Variants in SIGLEC6 observed in about 807,000 individuals in gnomAD.
SIGLEC6 encodes the protein sialic acid-binding Ig-like lectin 6.
SIGLEC6 carries 31 observed loss-of-function variants against 41.4 expected under a neutral mutation model. The ratio of observed to expected loss-of-function variants is 0.75; its 90% CI spans 0.56 to 1.01. The LOEUF is 1.01. SIGLEC6 is among the 50% of genes least tolerant of loss of function. SIGLEC6 has a pLI of 0.00. For synonymous variants in SIGLEC6, 217 were observed against 231.0 expected, an observed-to-expected ratio of 0.94 and a Z score of 0.55; for missense variants, 555 against 558.6, an observed-to-expected ratio of 0.99 and a Z score of 0.06.
intron 7 of SIGLEC6, among the ~76,000 whole-genome samples, chr19:51,525,727 A>C (rs10853836): frequency 0.72 from 109,496 of 151,328 alleles, 39,925 homozygotes; most frequent in African/African-American, 0.79. Flanking sequence ...TCCCTGTGGG[A>C]CCCCTACTCC....
In SIGLEC6 at chr19:51,530,307, G is replaced by T. The variant is rs1046326682; in HGVS notation, c.754+130C>A. ...GCCGAAGAGGCGACAAAGGCTGGGG[G>T]TGAGCAAAGATTCAGTCCAGGTCTT... On this transcript the variant is annotated intron_variant, in intron 4 of 7. Coordinates refer to ENST00000425629, the MANE Select transcript of SIGLEC6 (RefSeq NM_001245.7). 6 of 849,160 alleles carry T rather than the reference G, an allele frequency of 7.1e-6. No homozygotes were observed. In the East Asian group the frequency reaches 7.9e-5, roughly 11 times the overall value. The allele number at this position is 849,160 out of a possible 1,614,324, so 52.6% of individuals were successfully genotyped here. A position where few individuals can be genotyped will look rare whatever the true frequency, so the allele number is the denominator to read the frequency against.
intron 2 of SIGLEC6, 52 bp from the exon 3 acceptor site, chr19:51,531,011 C>A (rs373162619): frequency 1.3e-6 from 2 of 1,589,564 alleles, no homozygotes; most frequent in Admixed American, 3.7e-5. Context: ...AGGTTTCACC[C>A]AGGGGGAAGC....
intron 7 of SIGLEC6, among the ~76,000 whole-genome samples, chr19:51,524,266 CAT>C (rs529037990): frequency 2.3e-4 from 35 of 152,200 alleles, no homozygotes; most frequent in South Asian, 8.3e-4. Flanking sequence ...TGAAGGCACA[CAT>C]GTGTTAAAAG....
intron 7 of SIGLEC6, among the ~76,000 whole-genome samples, chr19:51,526,663 A>G (rs116863711): frequency 0.027 from 4,094 of 152,264 alleles, 81 homozygotes; most frequent in Middle Eastern, 0.054. Context: ...TAATGACCAC[A>G]CTAGTTCCCC....
chr19:51,528,062 T>G (rs2290661), intron 6 of SIGLEC6, 98 bp downstream of exon 6: 77,866 of 1,137,872 alleles, frequency 0.068, 3,101 homozygotes, highest in East Asian at 0.12. Flanking sequence ...ACTTTCCCAA[T>G]CACCCCATTT....
chr19:51,529,682 G>A (rs201279112), intron 5 of SIGLEC6, 42 bp downstream of exon 5: 14 of 1,611,058 alleles, frequency 8.7e-6, no homozygotes, highest in South Asian at 2.2e-5. Context: ...TGGAGCTCTC[G>A]CCCAGCTGCC....
chr19:51,527,564 G>A (rs1353036550), intron 7 of SIGLEC6, among the ~76,000 whole-genome samples, 183 bp downstream of exon 7: 1 of 152,112 alleles, frequency 6.6e-6, no homozygotes, highest in Non-Finnish European at 1.5e-5. Flanking sequence ...AGTTCCAAAT[G>A]TTACTATTTT....
At position 51,529,671 on chromosome 19, in the gene SIGLEC6, A is replaced by G. The variant is rs189922301; in HGVS notation, c.1012+53T>C. 11 of 1,608,360 alleles carry G rather than the reference A, an allele frequency of 6.8e-6. No homozygotes were observed. In the East Asian group the frequency reaches 1.3e-4, roughly 20 times the overall value. ...AGCAGGGGCCTCTTCTCTGAATACT[A>G]TGGAGCTCTCGCCCAGCTGCCCACA... is the stretch of plus-strand genomic sequence containing the variant. On this transcript the variant is annotated intron_variant, in intron 5 of 7. Coordinates refer to ENST00000425629, the MANE Select transcript of SIGLEC6 (RefSeq NM_001245.7).
rs1276985315 is a variant in SIGLEC6 at position 51,520,033 on chromosome 19, G to A, written c.*49C>T. On this transcript the variant is annotated 3_prime_UTR_variant, in exon 8 of 8. Transcript: ENST00000425629. ...TGGCAGCCCTAGTAACCAATACACT[G>A]AGAGGTACCATGTTCTCTCCAATCA... 6.8e-7 allele frequency: 1 copy of A among 1,463,926 alleles called. No individual in the cohort carries two copies. Among genetic ancestry groups the A allele is most frequent in the Admixed American group, 1.8e-5 (1 of 55,806 alleles). The allele number at this position is 1,463,926 out of a possible 1,614,324, so 90.7% of individuals were successfully genotyped here. A position where few individuals can be genotyped will look rare whatever the true frequency, so the allele number is the denominator to read the frequency against.
chr19:51,530,123 CA>C lies in SIGLEC6; in HGVS notation c.755-143del, dbSNP rs1980000407. ...CTCAGGTCTTCAGAAAAGCCCAGAC[CA>C]TTTCCCTGGAGCTGCCCAGGCTGTC... is the stretch of plus-strand genomic sequence containing the variant. On this transcript the variant is annotated intron_variant, in intron 4 of 7. Transcript: ENST00000425629. 3.7e-6 allele frequency: 4 copies of C among 1,095,618 alleles called. No homozygotes were observed. The African/African-American group carries it at 4.7e-5, about 13-fold the overall frequency. 67.9% of individuals were successfully genotyped at this position (1,095,618 alleles called of 1,614,324 possible). A position where few individuals can be genotyped will look rare whatever the true frequency, so the allele number is the denominator to read the frequency against.
chr19:51,517,869 T>C lies in SIGLEC6; in HGVS notation c.*2213A>G, dbSNP rs1990651476. ...TCTCTGGAAAAATATAAAGACTTTA[T>C]GTAATATAAATTCTATTTACACTCT... On this transcript the variant is annotated 3_prime_UTR_variant, in exon 8 of 8. Transcript: ENST00000425629. Among the ~76,000 whole-genome samples the C allele has an allele frequency of 6.6e-6, 1 of 152,186 alleles. No homozygotes were observed.
At chr19:51,524,847 C>T (rs913315509) in intron 7 of SIGLEC6, among the ~76,000 whole-genome samples, 14 of 152,156 alleles carry the variant, frequency 9.2e-5, no homozygotes, top group Non-Finnish European at 1.5e-4. Context: ...AAGGCAGCTC[C>T]CCAGGATTGG....
chr19:51,530,834 C>T lies in SIGLEC6; in HGVS notation c.553G>A (p.Ala185Thr). 6.2e-7 allele frequency: 1 copy of T among 1,614,020 alleles called. No homozygotes were observed. Among genetic ancestry groups the T allele is most frequent in the Non-Finnish European group, 8.5e-7 (1 of 1,179,986 alleles). The change falls in exon 3 of 8, where the codon GCT becomes ACT. Residue 185 changes from alanine (A) to threonine (T), a missense_variant. By Grantham distance (58) the Ala-to-Thr change is moderately conservative. Coordinates refer to ENST00000425629, the MANE Select transcript of SIGLEC6 (RefSeq NM_001245.7). ...GTPPIFSWMS[A>T]APTSLGPRTT... is the part of the protein sequence containing the mutation. Reference sequence around the variant, plus strand: ...CTGGGGCCCAGGGAGGTGGGGGCAGCTGACATCCAGGAGAAGATGGGGGGC... The same window carrying T: ...CTGGGGCCCAGGGAGGTGGGGGCAGTTGACATCCAGGAGAAGATGGGGGGC...
chr19:51,518,065 C>G lies in SIGLEC6; in HGVS notation c.*2017G>C, dbSNP rs1434673676. On this transcript the variant is annotated 3_prime_UTR_variant, in exon 8 of 8. Coordinates refer to ENST00000425629, the MANE Select transcript of SIGLEC6 (RefSeq NM_001245.7). ...TTCATTTTTTTTGGATCTCAAAAAT[C>G]TAATCTGGGATCACTTTCCTAATAC... Among the ~76,000 whole-genome samples the G allele has an allele frequency of 6.6e-6, 1 of 152,076 alleles. No homozygotes were observed. The highest frequency in any genetic ancestry group is 1.9e-4 in the East Asian group (1 of 5,190).
chr19:51,526,258 A>T (rs1251141283), intron 7 of SIGLEC6, among the ~76,000 whole-genome samples: 2 of 151,948 alleles, frequency 1.3e-5, no homozygotes, highest in African/African-American at 4.8e-5. Context: ...CCAAGTCAAG[A>T]TCTGTAGCCA....
rs1979951090 is a variant in SIGLEC6 at position 51,529,920 on chromosome 19, C to G, written c.816G>C (p.Leu272=). Residue 272 remains leucine, a synonymous_variant, in exon 5 of 8, where the codon CTG becomes CTC. Transcript: ENST00000425629. ...LPVLEGQALR[L]LCDADGNPPA... ...GGGGGTTGCCGTCAGCATCACAGAG[C>G]AGCCGCAGAGCCTGGCCCTCCAGGA... The G allele has an allele frequency of 1.9e-6, 3 of 1,613,146 alleles. No homozygotes were observed. The highest frequency in any genetic ancestry group is 2.5e-6 in the Non-Finnish European group (3 of 1,179,456).
intron 3 of SIGLEC6, 56 bp downstream of exon 3, chr19:51,530,625 C>T: frequency 1.2e-6 from 2 of 1,610,852 alleles, no homozygotes; most frequent in Non-Finnish European, 1.7e-6. Context: ...TCTGGCTCAG[C>T]CCTGCCCTGT....
chr19:51,520,708 G>A (rs1043681804), intron 7 of SIGLEC6, among the ~76,000 whole-genome samples: 1 of 152,158 alleles, frequency 6.6e-6, no homozygotes, highest in Admixed American at 6.5e-5. Flanking sequence ...TAATAATTAA[G>A]ATTGGCAAGC....
In SIGLEC6 at chr19:51,520,005, C is replaced by T; in HGVS notation, c.*77G>A. 8.0e-7 allele frequency: 1 copy of T among 1,250,552 alleles called. No homozygotes were observed. Among genetic ancestry groups the T allele is most frequent in the Non-Finnish European group, 1.1e-6 (1 of 915,350 alleles). 77.5% of individuals were successfully genotyped at this position (1,250,552 alleles called of 1,614,324 possible). A position where few individuals can be genotyped will look rare whatever the true frequency, so the allele number is the denominator to read the frequency against. On this transcript the variant is annotated 3_prime_UTR_variant, in exon 8 of 8. Coordinates refer to ENST00000425629, the MANE Select transcript of SIGLEC6 (RefSeq NM_001245.7). ...ATGTCACTCGGTTTGTGGTACATTG[C>T]TGTGGCAGCCCTAGTAACCAATACA...
Sources: gnomAD v4.1 joint callset for allele counts (sites outside exome capture counted in the v4.1 genomes callset) on GRCh38, gnomAD v4.1.1 for gene constraint, MANE v1.5 for transcripts, NCBI Gene and HGNC (gene_info 2026-07-23, HGNC 2026-07-21) for gene names.